RANBP2: variants seen among roughly 807,000 people sequenced by gnomAD.
RANBP2 encodes RAN binding protein 2, also known as E3 SUMO-protein ligase RanBP2.
RANBP2 carries 57 observed loss-of-function variants against 303.6 expected under a neutral mutation model. That is an observed-to-expected ratio of 0.19 (90% CI 0.15 to 0.23). RANBP2 has a LOEUF of 0.23. Among genes scored for constraint, RANBP2 ranks in the 10% least tolerant of loss-of-function variants. RANBP2 has a pLI of 1.00. For synonymous variants in RANBP2, 1,167 were observed against 1,301.5 expected, an observed-to-expected ratio of 0.90 and a Z score of 2.23; for missense variants, 3,138 against 3,780.8, an observed-to-expected ratio of 0.83 and a Z score of 4.46.
the RANBP2 span, among the ~76,000 whole-genome samples, chr2:109,031,954 ACT>A: frequency 1.5e-5 from 2 of 135,664 alleles, no homozygotes; most frequent in African/African-American, 2.8e-5. Flanking sequence ...TTTTGCCAAA[ACT>A]CTGAACGCTC....
the RANBP2 span, among the ~76,000 whole-genome samples, chr2:109,691,554 G>A: frequency 1.3e-5 from 2 of 152,192 alleles, no homozygotes; most frequent in African/African-American, 2.4e-5. Flanking sequence ...ATGAATTTCC[G>A]AGAGTTCTGC....
the RANBP2 span, among the ~76,000 whole-genome samples, chr2:109,693,836 C>T: frequency 4.8e-4 from 73 of 152,288 alleles, no homozygotes; most frequent in African/African-American, 1.7e-3. Context: ...ACCTTGGGCA[C>T]ATGTCTTTAA....
At chr2:109,328,532 A>G in the RANBP2 span, among the ~76,000 whole-genome samples, 2 of 152,024 alleles carry the variant, frequency 1.3e-5, no homozygotes, top group African/African-American at 4.8e-5. Context: ...TTCTAAGAAC[A>G]CTTTCTAGGT....
chr2:109,738,917 GGTTTA>G, the RANBP2 span, among the ~76,000 whole-genome samples: 1 of 151,168 alleles, frequency 6.6e-6, no homozygotes, highest in Non-Finnish European at 1.5e-5. Context: ...AATCTATTTT[GGTTTA>G]ATTTTTGTTT....
At chr2:108,825,676 T>C in the RANBP2 span, among the ~76,000 whole-genome samples, 1 of 152,208 alleles carries the variant, frequency 6.6e-6, no homozygotes, top group East Asian at 1.9e-4. Flanking sequence ...AATATAGATA[T>C]AACATTTTAT....
chr2:108,928,513 A>C, the RANBP2 span, among the ~76,000 whole-genome samples: 1 of 152,162 alleles, frequency 6.6e-6, no homozygotes, highest in Non-Finnish European at 1.5e-5. Flanking sequence ...TACCAGCTGT[A>C]CCAGGGACAC....
chr2:109,102,352 G>A, the RANBP2 span, among the ~76,000 whole-genome samples: 3 of 151,460 alleles, frequency 2.0e-5, no homozygotes, highest in Admixed American at 1.3e-4. Flanking sequence ...CGCCTGCCTC[G>A]GCCTCCCAAA....
At chr2:109,176,379 C>G in the RANBP2 span, among the ~76,000 whole-genome samples, 1 of 151,692 alleles carries the variant, frequency 6.6e-6, no homozygotes, top group Non-Finnish European at 1.5e-5. Context: ...GAGAGAACAC[C>G]ATGTGCAATG....
chr2:108,783,464 C>A, intron 28 of RANBP2, 132 bp from the exon 29 acceptor site: 1 of 555,708 alleles, frequency 1.8e-6, no homozygotes, highest in Non-Finnish European at 3.0e-6. Context: ...AGTTTTCAAA[C>A]TATACTCAGG....
At chr2:109,139,985 G>A in the RANBP2 span, among the ~76,000 whole-genome samples, 1 of 152,192 alleles carries the variant, frequency 6.6e-6, no homozygotes. Context: ...AAAAAAACAG[G>A]AGGGTTTATT....
the RANBP2 span, among the ~76,000 whole-genome samples, chr2:109,452,331 C>G: frequency 6.6e-6 from 1 of 152,190 alleles, no homozygotes; most frequent in East Asian, 1.9e-4. Context: ...CTTTGGGCAA[C>G]TTGATCATAG....
chr2:109,343,118 G>A, the RANBP2 span, among the ~76,000 whole-genome samples: 2 of 152,156 alleles, frequency 1.3e-5, no homozygotes, highest in Admixed American at 1.3e-4. Flanking sequence ...GGGTGGGTGT[G>A]GAGGCTGGGA....
the RANBP2 span, among the ~76,000 whole-genome samples, chr2:109,026,983 C>T: frequency 5.9e-5 from 9 of 152,180 alleles, no homozygotes; most frequent in Admixed American, 2.0e-4. Flanking sequence ...GTGGCTCACA[C>T]CTGTAATTGC....
the RANBP2 span, among the ~76,000 whole-genome samples, chr2:109,144,498 G>C: frequency 6.6e-6 from 1 of 152,244 alleles, no homozygotes; most frequent in Non-Finnish European, 1.5e-5. Flanking sequence ...CTGTGGATGT[G>C]CTGAGGCTTT....
chr2:109,045,815 G>C, the RANBP2 span, among the ~76,000 whole-genome samples: 2 of 152,136 alleles, frequency 1.3e-5, no homozygotes, highest in African/African-American at 4.8e-5. Flanking sequence ...TCCAAAGAGA[G>C]AGTGCTCACC....
chr2:108,788,874 A>T (rs781543391), downstream of RANBP2: 10 of 1,613,920 alleles, frequency 6.2e-6, no homozygotes, highest in Non-Finnish European at 8.5e-6. Context: ...TCTACTCTGG[A>T]GATAAAGTTG....
At chr2:109,197,218 G>A in the RANBP2 span, among the ~76,000 whole-genome samples, 1 of 152,298 alleles carries the variant, frequency 6.6e-6, no homozygotes, top group South Asian at 2.1e-4. Flanking sequence ...ACTCACTGCA[G>A]AATCTCAGGG....
At chr2:109,305,530 A>G in the RANBP2 span, among the ~76,000 whole-genome samples, 22 of 152,172 alleles carry the variant, frequency 1.4e-4, no homozygotes, top group African/African-American at 5.1e-4. Flanking sequence ...TGGGCGCAGA[A>G]GTGCTGTGTG....
chr2:108,889,846 C>T, the RANBP2 span, among the ~76,000 whole-genome samples: 1 of 151,856 alleles, frequency 6.6e-6, no homozygotes, highest in Non-Finnish European at 1.5e-5. Flanking sequence ...TTCTTTGTTC[C>T]TTTCTTTTTC....
Sources: allele counts gnomAD v4.1 joint callset (sites outside exome capture counted in the v4.1 genomes callset), GRCh38; gene constraint gnomAD v4.1.1; transcripts MANE v1.5; gene names NCBI Gene and HGNC (gene_info 2026-07-23, HGNC 2026-07-21).